SLIT2: variants seen among roughly 807,000 people sequenced by gnomAD.
The protein encoded by SLIT2 is slit guidance ligand 2.
Under a neutral mutation model 185.7 loss-of-function variants are expected in SLIT2, and 41 were observed. The observed-to-expected ratio is 0.22, with a 90% CI of 0.17 to 0.29. SLIT2 has a LOEUF of 0.29. Among genes scored for constraint, SLIT2 ranks in the 10% least tolerant of loss-of-function variants. The probability of loss-of-function intolerance (pLI) is 1.00; values close to 1 mark genes in which losing one functional copy is unlikely to be tolerated. For missense variants in SLIT2, 1,571 were observed against 1,909.0 expected (o/e 0.82, Z 3.30); for synonymous variants, 693 against 680.2 (o/e 1.02, Z -0.29).
intron 4 of SLIT2, among the ~76,000 whole-genome samples, chr4:20,461,807 T>C (rs1345425204): frequency 6.6e-6 from 1 of 152,178 alleles, no homozygotes; most frequent in Admixed American, 6.5e-5. Context: ...GAAGATGTGT[T>C]TTGATATAAA....
At chr4:20,577,062 A>T (rs1050728747) in intron 29 of SLIT2, among the ~76,000 whole-genome samples, 5 of 152,042 alleles carry the variant, frequency 3.3e-5, no homozygotes, top group Admixed American at 6.6e-5. Context: ...ATTGAAAGTG[A>T]TACAAAAATC....
intron 4 of SLIT2, among the ~76,000 whole-genome samples, chr4:20,310,385 G>T (rs1717997999): frequency 6.6e-6 from 1 of 152,074 alleles, no homozygotes; most frequent in African/African-American, 2.4e-5. Context: ...ATCCTGCCAA[G>T]ACTTCGTTCC....
chr4:20,531,981 C>T lies in SLIT2; in HGVS notation c.1614-3C>T. The stretch of plus-strand genomic sequence containing the variant: ...ACTTCTCTATTCCTTCTTTTTTCTT[C>T]AGGCGTCTCAATAATAATGAATTTA... On this transcript the variant is annotated splice_polypyrimidine_tract_variant and splice_region_variant and intron_variant, in intron 16 of 36. Coordinates refer to ENST00000504154, the MANE Select transcript of SLIT2 (RefSeq NM_004787.4). 6.5e-7 allele frequency: 1 copy of T among 1,549,490 alleles called. No homozygotes were observed. Among genetic ancestry groups the T allele is most frequent in the Non-Finnish European group, 8.7e-7 (1 of 1,148,870 alleles).
At chr4:20,303,495 G>A (rs1306915517) in intron 4 of SLIT2, among the ~76,000 whole-genome samples, 1 of 151,938 alleles carries the variant, frequency 6.6e-6, no homozygotes, top group Non-Finnish European at 1.5e-5. Context: ...ATGAAAGACA[G>A]TACATTTCAT....
At chr4:20,350,066 G>T (rs976932828) in intron 4 of SLIT2, among the ~76,000 whole-genome samples, 26 of 152,100 alleles carry the variant, frequency 1.7e-4, no homozygotes, top group African/African-American at 6.0e-4. Context: ...CTAAGCTCTG[G>T]ATAGTTCATA....
At chr4:20,324,487 G>A (rs981715413) in intron 4 of SLIT2, among the ~76,000 whole-genome samples, 1 of 152,074 alleles carries the variant, frequency 6.6e-6, no homozygotes, top group Non-Finnish European at 1.5e-5. Context: ...TGTAACCAAA[G>A]GGCAGAAACC....
intron 15 of SLIT2, among the ~76,000 whole-genome samples, 190 bp downstream of exon 15, chr4:20,525,362 C>CGT (rs146437952): frequency 6.6e-6 from 1 of 152,030 alleles, no homozygotes; most frequent in Admixed American, 6.6e-5. Context: ...TGATGTTAAA[C>CGT]ATATATTATT....
chr4:20,404,803 C>T (rs1300230688), intron 4 of SLIT2, among the ~76,000 whole-genome samples: 1 of 151,958 alleles, frequency 6.6e-6, no homozygotes, highest in African/African-American at 2.4e-5. Flanking sequence ...ATAGGAGAAA[C>T]TTAATATCCA....
At chr4:20,573,589 A>G (rs1049001932) in intron 29 of SLIT2, among the ~76,000 whole-genome samples, 1 of 152,172 alleles carries the variant, frequency 6.6e-6, no homozygotes, top group Non-Finnish European at 1.5e-5. Context: ...CTTTTTAAAT[A>G]TATCACAAAC....
intron 32 of SLIT2, 113 bp from the exon 33 acceptor site, chr4:20,598,152 C>G: frequency 1.1e-6 from 1 of 922,144 alleles, no homozygotes; most frequent in Non-Finnish European, 1.6e-6. Flanking sequence ...TCATAGCCAT[C>G]AGGAAAACAT....
At chr4:20,308,010 C>T (rs1054171338) in intron 4 of SLIT2, among the ~76,000 whole-genome samples, 1 of 152,184 alleles carries the variant, frequency 6.6e-6, no homozygotes, top group African/African-American at 2.4e-5. Flanking sequence ...TTGAAAGACT[C>T]ACATGCCAGC....
chr4:20,347,725 G>A lies in SLIT2; in HGVS notation c.395+78844G>A, dbSNP rs75183155. Among the ~76,000 whole-genome samples the A allele has an allele frequency of 6.8e-3, 1,034 of 152,328 alleles. 22 individuals are homozygous for A. Among genetic ancestry groups the A allele is most frequent in the African/African-American group, 0.024 (978 of 41,570 alleles). ...AGCCAAGTTAGGCAACTGAGAAGGC[G>A]AGAGAGCAGTGATGAAGCAGATATG... On this transcript the variant is annotated intron_variant, in intron 4 of 36. Coordinates refer to ENST00000504154, the MANE Select transcript of SLIT2 (RefSeq NM_004787.4).
chr4:20,400,004 G>A (rs949645316), intron 4 of SLIT2, among the ~76,000 whole-genome samples: 5 of 151,716 alleles, frequency 3.3e-5, no homozygotes, highest in Non-Finnish European at 7.4e-5. Flanking sequence ...AGATGGAAAA[G>A]AGAATGATCT....
At chr4:20,410,046 T>G (rs1560398872) in intron 4 of SLIT2, among the ~76,000 whole-genome samples, 2 of 152,210 alleles carry the variant, frequency 1.3e-5, no homozygotes, top group Non-Finnish European at 2.9e-5. Flanking sequence ...TAGTTTATTT[T>G]GCTGTGCAGA....
intron 4 of SLIT2, among the ~76,000 whole-genome samples, chr4:20,331,357 T>C (rs1720052748): frequency 1.3e-5 from 2 of 152,170 alleles, no homozygotes; most frequent in Admixed American, 6.6e-5. Flanking sequence ...AGAAGTGTTA[T>C]TGATTGATCT....
chr4:20,593,958 ATG>A (rs1300995393), intron 30 of SLIT2, among the ~76,000 whole-genome samples: 1 of 150,098 alleles, frequency 6.7e-6, no homozygotes, highest in Non-Finnish European at 1.5e-5. Flanking sequence ...CACAATACAT[ATG>A]TGTGTATGTA....
At position 20,549,117 on chromosome 4, in the gene SLIT2, T is replaced by G. The variant is rs759335561; in HGVS notation, c.2478T>G (p.Ser826=). The G allele has an allele frequency of 1.3e-6, 2 of 1,582,092 alleles. No individual in the cohort carries two copies. Among genetic ancestry groups the G allele is most frequent in the South Asian group, 1.1e-5 (1 of 90,298 alleles). The change falls in exon 24 of 37, where the codon TCT becomes TCG. Residue 826 remains serine (S), a synonymous_variant. Transcript: ENST00000504154. ...IPPRTFDGLK[S]LRLLSLHGND... is the part of the protein sequence containing the mutation. ...CTCGCACCTTTGATGGATTAAAGTC[T>G]CTTCGATTACTGTAAGCATCTTGTG...
intron 11 of SLIT2, among the ~76,000 whole-genome samples, chr4:20,518,249 A>G (rs1173521334): frequency 9.8e-6 from 1 of 102,312 alleles, no homozygotes; most frequent in Admixed American, 1.3e-4. Flanking sequence ...GTATATATAT[A>G]TATATATTTT....
intron 4 of SLIT2, among the ~76,000 whole-genome samples, chr4:20,334,122 T>C (rs996099020): frequency 6.6e-6 from 1 of 152,168 alleles, no homozygotes; most frequent in Non-Finnish European, 1.5e-5. Context: ...ATCCCATCTC[T>C]AGAGAGAAAA....
Sources: gnomAD v4.1 joint callset for allele counts (sites outside exome capture counted in the v4.1 genomes callset) on GRCh38, gnomAD v4.1.1 for gene constraint, MANE v1.5 for transcripts, NCBI Gene and HGNC (gene_info 2026-07-23, HGNC 2026-07-21) for gene names.